Variants in APBB2 observed in about 807,000 individuals in gnomAD.
APBB2 encodes amyloid beta precursor protein binding family B member 2.
APBB2 carries 38 observed loss-of-function variants against 82.5 expected under a neutral mutation model. The ratio of observed to expected loss-of-function variants is 0.46; its 90% CI spans 0.36 to 0.60. The LOEUF (loss-of-function observed/expected upper bound fraction) is 0.60, where lower values mean the gene tolerates loss of function less well. APBB2 is among the 20% of genes least tolerant of loss of function. The probability of loss-of-function intolerance (pLI) is 0.00; values close to 1 mark genes in which losing one functional copy is unlikely to be tolerated. For synonymous variants in APBB2, 341 were observed against 368.2 expected (o/e 0.93, Z 0.85); for missense variants, 772 against 972.3 (o/e 0.79, Z 2.74).
chr4:41,093,001 G>A (rs865915575), intron 3 of APBB2, among the ~76,000 whole-genome samples: 2 of 152,066 alleles, frequency 1.3e-5, no homozygotes. Context: ...CTGAGGCTAC[G>A]AGAGCTATTT....
chr4:40,898,560 C>T (rs1000220668), intron 10 of APBB2, among the ~76,000 whole-genome samples: 24 of 152,146 alleles, frequency 1.6e-4, no homozygotes, highest in Middle Eastern at 3.4e-3. Context: ...CCACAGCATC[C>T]GGCTTTTATT....
chr4:41,103,845 T>A (rs147648838), intron 2 of APBB2, among the ~76,000 whole-genome samples: 23 of 152,288 alleles, frequency 1.5e-4, no homozygotes, highest in African/African-American at 5.1e-4. Flanking sequence ...TATTAATAGG[T>A]CCAGTCATGC....
intron 5 of APBB2, among the ~76,000 whole-genome samples, chr4:41,025,939 C>T (rs1713916134): frequency 8.4e-6 from 1 of 118,850 alleles, no homozygotes; most frequent in South Asian, 3.0e-4. Flanking sequence ...GAGACTCCAT[C>T]TCCACAAAAA....
intron 12 of APBB2, among the ~76,000 whole-genome samples, chr4:40,875,784 T>C (rs1766730850): frequency 6.6e-6 from 1 of 151,740 alleles, no homozygotes; most frequent in Non-Finnish European, 1.5e-5. Context: ...TTACAAGTAA[T>C]GTTTGCAACT....
At chr4:40,975,219 C>A (rs1282633451) in intron 6 of APBB2, among the ~76,000 whole-genome samples, 2 of 152,190 alleles carry the variant, frequency 1.3e-5, no homozygotes, top group Non-Finnish European at 2.9e-5. Context: ...AACTATGAAA[C>A]CATGTTAGAA....
intron 10 of APBB2, among the ~76,000 whole-genome samples, chr4:40,929,549 G>T (rs11733818): frequency 6.6e-6 from 1 of 151,930 alleles, no homozygotes; most frequent in Non-Finnish European, 1.5e-5. Flanking sequence ...TCCACCCGCC[G>T]TGGCCTCCCA....
intron 12 of APBB2, among the ~76,000 whole-genome samples, chr4:40,862,571 C>T (rs759476459): frequency 6.6e-6 from 1 of 152,164 alleles, no homozygotes; most frequent in Non-Finnish European, 1.5e-5. Flanking sequence ...TGGTGCCGGG[C>T]GGGTCCTAGC....
chr4:41,129,985 G>A (rs562540585), intron 2 of APBB2, among the ~76,000 whole-genome samples: 11 of 152,058 alleles, frequency 7.2e-5, no homozygotes, highest in Non-Finnish European at 1.3e-4. Flanking sequence ...TTAAAACATC[G>A]ATCAGGGTAG....
At chr4:41,133,004 T>TATA in intron 2 of APBB2, among the ~76,000 whole-genome samples, 1 of 152,320 alleles carries the variant, frequency 6.6e-6, no homozygotes, top group African/African-American at 2.4e-5. Context: ...TCCAGTTTAT[T>TATA]AACAGTTGTA....
intron 10 of APBB2, among the ~76,000 whole-genome samples, chr4:40,894,598 G>A (rs769477082): frequency 3.9e-5 from 6 of 152,186 alleles, no homozygotes; most frequent in South Asian, 2.1e-4. Flanking sequence ...CGTTTGTGAC[G>A]AGGGAATCTT....
At chr4:40,913,096 G>C (rs1778968612) in intron 10 of APBB2, among the ~76,000 whole-genome samples, 1 of 152,158 alleles carries the variant, frequency 6.6e-6, no homozygotes, top group Non-Finnish European at 1.5e-5. Context: ...GTGGAACATT[G>C]CATTTCGCTG....
intron 6 of APBB2, among the ~76,000 whole-genome samples, chr4:41,000,080 TG>T (rs1355315149): frequency 7.4e-6 from 1 of 135,536 alleles, no homozygotes; most frequent in East Asian, 2.3e-4. Flanking sequence ...TGTGTGTGTG[TG>T]TGTGTGTGTG....
In APBB2 at chr4:41,013,878, G is replaced by A; in HGVS notation, c.540C>T (p.Gly180=). 6.2e-7 allele frequency: 1 copy of A among 1,614,148 alleles called. No individual in the cohort carries two copies. Among genetic ancestry groups the A allele is most frequent in the Non-Finnish European group, 8.5e-7 (1 of 1,180,028 alleles). ...TCTCTTCCGCAGTCCCATGGTGATTGCCTCGGTTCTGCTCTAGTTCTCTGG... is the reference window on the plus strand; with the variant it reads ...TCTCTTCCGCAGTCCCATGGTGATTACCTCGGTTCTGCTCTAGTTCTCTGG... ...TSARELEQNR[G]NHHGTAEEKS... is the part of the protein sequence containing the mutation. Residue 180 remains glycine, a synonymous_variant, in exon 6 of 18, where the codon GGC becomes GGT. Coordinates refer to ENST00000508593, the MANE Select transcript of APBB2 (RefSeq NM_004307.2).
At chr4:41,095,813 A>AAGT (rs1009859596) in intron 3 of APBB2, among the ~76,000 whole-genome samples, 15 of 152,176 alleles carry the variant, frequency 9.9e-5, no homozygotes, top group African/African-American at 3.6e-4. Flanking sequence ...ACTACTGCCC[A>AAGT]AGTGATCTTT....
At chr4:41,007,118 C>T (rs1806974837) in intron 6 of APBB2, among the ~76,000 whole-genome samples, 1 of 152,054 alleles carries the variant, frequency 6.6e-6, no homozygotes, top group Admixed American at 6.5e-5. Flanking sequence ...GAAACTTAAT[C>T]CCCAAATTTA....
At chr4:40,982,422 A>G (rs1468717786) in intron 6 of APBB2, among the ~76,000 whole-genome samples, 1 of 124,858 alleles carries the variant, frequency 8.0e-6, no homozygotes, top group African/African-American at 2.9e-5. Context: ...AGAAAGAAAG[A>G]AAGAAAGAAA....
In APBB2 at chr4:41,081,889, C is replaced by T. The variant is rs562303720; in HGVS notation, c.-148-16216G>A. Among the ~76,000 whole-genome samples, 8 of 152,210 alleles carry T rather than the reference C, an allele frequency of 5.3e-5. No individual in the cohort carries two copies. The East Asian group carries it at 5.8e-4, about 11-fold the overall frequency. On this transcript the variant is annotated intron_variant, in intron 3 of 17. Transcript: ENST00000508593. ...TATAAATTGGTGAAATATTGTCATT[C>T]GTTTAAAAAACTACAATTAAAAGCA...
At chr4:41,196,262 C>T in intron 1 of APBB2, among the ~76,000 whole-genome samples, 2 of 152,252 alleles carry the variant, frequency 1.3e-5, no homozygotes, top group East Asian at 1.9e-4. Context: ...ATGTCAATTA[C>T]GTACTATGGT....
At chr4:40,856,880 A>C in intron 12 of APBB2, 1 of 924,746 alleles carries the variant, frequency 1.1e-6, no homozygotes, top group East Asian at 1.2e-4. Context: ...CTAAGCGCTG[A>C]CTCGGGGAAG....
Sources: allele counts gnomAD v4.1 joint callset (sites outside exome capture counted in the v4.1 genomes callset), GRCh38; gene constraint gnomAD v4.1.1; transcripts MANE v1.5; gene names NCBI Gene and HGNC (gene_info 2026-07-23, HGNC 2026-07-21).